The following OSBP2 variants were observed in gnomAD, a reference collection of about 807,000 sequenced individuals.
OSBP2 encodes oxysterol-binding protein 2.
In OSBP2, 66 loss-of-function variants were observed where a neutral mutation model predicts 96.0. That is an observed-to-expected ratio of 0.69 (90% CI 0.56 to 0.84). OSBP2 has a LOEUF of 0.84. Ranked by LOEUF, OSBP2 falls within the 40% of genes least tolerant of loss-of-function variation. The probability of loss-of-function intolerance (pLI) is 0.00; values close to 1 mark genes in which losing one functional copy is unlikely to be tolerated. For synonymous variants in OSBP2, 525 were observed against 520.9 expected, an observed-to-expected ratio of 1.01 and a Z score of -0.11; for missense variants, 1,038 against 1,222.7, an observed-to-expected ratio of 0.85 and a Z score of 2.25.
Position 30,792,013 on chromosome 22 carries a change from T to C in OSBP2, c.853+50644T>C, listed in dbSNP as rs545899084. ...AAAAACAAAGTATTTAGGAACCGCA[T>C]ACAGAAGTTTCAATCAGGCCAGGTG... On this transcript the variant is annotated intron_variant, in intron 2 of 13. Transcript: ENST00000332585. 3.3e-5 allele frequency among the ~76,000 whole-genome samples: 5 copies of C among 152,242 alleles called. No homozygotes were observed. The South Asian group carries it at 1.0e-3, about 32-fold the overall frequency.
chr22:30,891,669 G>A lies in OSBP2; in HGVS notation c.1869+696G>A, dbSNP rs529963120. 2.6e-4 allele frequency among the ~76,000 whole-genome samples: 39 copies of A among 152,184 alleles called. No homozygotes were observed. In the Middle Eastern group the frequency reaches 0.014, roughly 53 times the overall value. ...CAGACCTGGGGGAAGGGGGAGGCCA[G>A]AACACAGGCAGCTTTTGAAGGATGA... is the stretch of plus-strand genomic sequence containing the variant. On this transcript the variant is annotated intron_variant, in intron 8 of 13. Transcript: ENST00000332585.
intron 1 of OSBP2, among the ~76,000 whole-genome samples, chr22:30,717,090 T>TTTTG (rs71328866): frequency 1.9e-4 from 22 of 118,412 alleles, no homozygotes; most frequent in African/African-American, 2.9e-4. Flanking sequence ...TTTACTGTTT[T>TTTTG]TGTGTGTGTG....
At chr22:30,851,216 G>A (rs141460608) in intron 2 of OSBP2, among the ~76,000 whole-genome samples, 8 of 149,928 alleles carry the variant, frequency 5.3e-5, no homozygotes, top group East Asian at 2.0e-4. Flanking sequence ...CATGCGCCAC[G>A]CATACATGGC....
At chr22:30,751,902 C>CTTCT (rs2090077757) in intron 2 of OSBP2, among the ~76,000 whole-genome samples, 1 of 152,224 alleles carries the variant, frequency 6.6e-6, no homozygotes, top group South Asian at 2.1e-4. Context: ...AGACATTCAC[C>CTTCT]TTCTGCTCAG....
chr22:30,752,492 G>A (rs1602216336), intron 2 of OSBP2, among the ~76,000 whole-genome samples: 1 of 151,752 alleles, frequency 6.6e-6, no homozygotes, highest in Non-Finnish European at 1.5e-5. Context: ...TAGAGACAAG[G>A]TGTTACCCAG....
chr22:30,769,531 C>T (rs2145787115), intron 2 of OSBP2, among the ~76,000 whole-genome samples: 1 of 152,218 alleles, frequency 6.6e-6, no homozygotes, highest in South Asian at 2.1e-4. Flanking sequence ...CACCTGTAGT[C>T]CCAGCTACTC....
intron 2 of OSBP2, among the ~76,000 whole-genome samples, chr22:30,863,160 C>T (rs149931532): frequency 4.2e-4 from 64 of 152,196 alleles, no homozygotes; most frequent in African/African-American, 1.5e-3. Context: ...TTCTCAAACA[C>T]GGTGACGTTG....
chr22:30,694,289 G>A, upstream of OSBP2: 1 of 1,549,766 alleles, frequency 6.5e-7, no homozygotes, highest in East Asian at 2.4e-5. Flanking sequence ...TGGAGGCGGT[G>A]AGGCGGCCAC....
At position 30,893,137 on chromosome 22, in the gene OSBP2, C is replaced by A. The variant is rs768739585; in HGVS notation, c.1885C>A (p.Pro629Thr). 4 of 1,614,070 alleles carry A rather than the reference C, an allele frequency of 2.5e-6. No homozygotes were observed. Among genetic ancestry groups the A allele is most frequent in the Admixed American group, 1.7e-5 (1 of 60,022 alleles). Residue 629 changes from proline (P) to threonine (T), a missense_variant, in exon 9 of 14, where the codon CCC becomes ACC. Coordinates refer to ENST00000332585, the MANE Select transcript of OSBP2 (RefSeq NM_030758.4). ...CTGGTCTCAGGTGAGCCACCACCCC[C>A]CCTCAGCTGCGCACTACGTGTTCTC... ...SLCEQVSHHP[P>T]SAAHYVFSKH...
chr22:30,748,075 C>G (rs2090028426), intron 2 of OSBP2, among the ~76,000 whole-genome samples: 1 of 151,908 alleles, frequency 6.6e-6, no homozygotes, highest in South Asian at 2.1e-4. Flanking sequence ...CAGGGTTTTA[C>G]CATGTTGGGC....
chr22:30,748,268 C>T (rs2090031452), intron 2 of OSBP2, among the ~76,000 whole-genome samples: 1 of 151,892 alleles, frequency 6.6e-6, no homozygotes, highest in Admixed American at 6.6e-5. Flanking sequence ...TGCATGCAAC[C>T]TCCGCCTCCT....
At chr22:30,827,235 G>A (rs2038423796) in intron 2 of OSBP2, among the ~76,000 whole-genome samples, 1 of 152,142 alleles carries the variant, frequency 6.6e-6, no homozygotes, top group Admixed American at 6.5e-5. Flanking sequence ...GAGTTGTGAG[G>A]GCACAGCTCT....
chr22:30,811,320 T>A (rs1206502697), intron 2 of OSBP2, among the ~76,000 whole-genome samples: 1 of 134,392 alleles, frequency 7.4e-6, no homozygotes, highest in African/African-American at 3.0e-5. Flanking sequence ...TTATTTTTTT[T>A]ATTTTTATTT....
intron 1 of OSBP2, among the ~76,000 whole-genome samples, chr22:30,723,833 TAC>T (rs776916384): frequency 1.3e-5 from 2 of 152,174 alleles, no homozygotes; most frequent in African/African-American, 4.8e-5. Context: ...CGTCCCCCGT[TAC>T]CAACATCCCC....
intron 3 of OSBP2, among the ~76,000 whole-genome samples, chr22:30,880,009 A>T (rs1474269400): frequency 6.6e-6 from 1 of 151,680 alleles, no homozygotes; most frequent in Non-Finnish European, 1.5e-5. Flanking sequence ...CTGAGATGGC[A>T]CCACTGCACT....
At chr22:30,892,333 C>G (rs1007528453) in intron 8 of OSBP2, among the ~76,000 whole-genome samples, 1 of 152,080 alleles carries the variant, frequency 6.6e-6, no homozygotes, top group Admixed American at 6.5e-5. Context: ...GGCCAGCTAA[C>G]CCATCTCCTG....
intron 2 of OSBP2, among the ~76,000 whole-genome samples, chr22:30,858,750 A>G (rs11703144): frequency 0.38 from 57,739 of 150,788 alleles, 11,358 homozygotes; most frequent in African/African-American, 0.44. Flanking sequence ...GTGGTGGTGG[A>G]TGCTTGTAAT....
At chr22:30,786,437 C>A (rs1165994212) in intron 2 of OSBP2, among the ~76,000 whole-genome samples, 1 of 152,080 alleles carries the variant, frequency 6.6e-6, no homozygotes, top group Admixed American at 6.6e-5. Flanking sequence ...TCAATGACAC[C>A]TGCCAGAGAC....
chr22:30,891,086 A>G, intron 8 of OSBP2, 113 bp downstream of exon 8: 1 of 1,313,508 alleles, frequency 7.6e-7, no homozygotes, highest in South Asian at 1.4e-5. Context: ...CTGACTGCCC[A>G]TACCCAAGGG....
Sources: allele counts gnomAD v4.1 joint callset (sites outside exome capture counted in the v4.1 genomes callset), GRCh38; gene constraint gnomAD v4.1.1; transcripts MANE v1.5; gene names NCBI Gene and HGNC (gene_info 2026-07-23, HGNC 2026-07-21).